Variants in XPO6 observed in about 807,000 individuals in gnomAD.
XPO6 encodes the protein exportin 6, also known as exportin-6.
In XPO6, 3 loss-of-function variants were observed where a neutral mutation model predicts 130.0. The ratio of observed to expected loss-of-function variants is 0.02; its 90% CI spans 0.01 to 0.06. The LOEUF is 0.06. Ranked by LOEUF, XPO6 falls within the 10% of genes least tolerant of loss-of-function variation. The pLI, the probability that XPO6 is intolerant of heterozygous loss-of-function variation, is 1.00. For synonymous variants in XPO6, 524 were observed against 548.9 expected (o/e 0.95, Z 0.63); for missense variants, 970 against 1,393.0 (o/e 0.70, Z 4.83).
chr16:28,171,072 CTTTTT>C (rs75349360), intron 4 of XPO6, among the ~76,000 whole-genome samples: 1 of 142,814 alleles, frequency 7.0e-6, no homozygotes, highest in South Asian at 2.2e-4. Context: ...CCCTGACACA[CTTTTT>C]TTTTTTTTTT....
chr16:28,132,324 A>C lies in XPO6; in HGVS notation c.1606+10T>G. 6.3e-7 allele frequency: 1 copy of C among 1,586,366 alleles called. No individual in the cohort carries two copies. Among genetic ancestry groups the C allele is most frequent in the Non-Finnish European group, 8.6e-7 (1 of 1,162,048 alleles). On this transcript the variant is annotated intron_variant, in intron 12 of 23. Coordinates refer to ENST00000304658, the MANE Select transcript of XPO6 (RefSeq NM_015171.4). This position sits in a 1 kb window ranked among gnomAD's most constrained non-coding sequence, Gnocchi z 4.0. ...TGTTTGGTTAAATTAGAAAATAAAA[A>C]CCAGTTTACCTGACCCTGAAGTGAC...
At chr16:28,211,243 C>G (rs1384576869) in intron 1 of XPO6, 123 bp downstream of exon 1, 2 of 1,053,600 alleles carry the variant, frequency 1.9e-6, no homozygotes, top group African/African-American at 3.3e-5. Flanking sequence ...GTGTCACCGG[C>G]CAGGCTCCGC....
intron 9 of XPO6, among the ~76,000 whole-genome samples, chr16:28,136,587 G>A (rs2042782481): frequency 6.6e-6 from 1 of 152,170 alleles, no homozygotes; most frequent in South Asian, 2.1e-4. Context: ...AGAAGACTTA[G>A]AAACTAAAAA....
At chr16:28,159,908 G>A (rs575098180) in intron 6 of XPO6, among the ~76,000 whole-genome samples, 29 of 152,214 alleles carry the variant, frequency 1.9e-4, no homozygotes, top group East Asian at 7.7e-4. Flanking sequence ...AAACCTGGCC[G>A]GGCACAGTCG....
In XPO6 at chr16:28,132,485, C is replaced by G; in HGVS notation, c.1537-82G>C. 1.1e-6 allele frequency: 1 copy of G among 913,656 alleles called. No homozygotes were observed. The highest frequency in any genetic ancestry group is 2.4e-5 in the Admixed American group (1 of 41,760). 56.6% of individuals were successfully genotyped at this position (913,656 alleles called of 1,614,324 possible). The stretch of plus-strand genomic sequence containing the variant: ...TAGCATTTTAACATTACAACATTAA[C>G]ACGTAACTATGGTGTGAGGAACAGG... On this transcript the variant is annotated intron_variant, in intron 11 of 23. Coordinates refer to ENST00000304658, the MANE Select transcript of XPO6 (RefSeq NM_015171.4). This position sits in a 1 kb window ranked among gnomAD's most constrained non-coding sequence, Gnocchi z 4.0.
chr16:28,159,650 G>T (rs993064283), intron 6 of XPO6, among the ~76,000 whole-genome samples: 13 of 152,316 alleles, frequency 8.5e-5, no homozygotes, highest in African/African-American at 2.6e-4. Flanking sequence ...ACAGACGTAG[G>T]AATTAAGAGG....
rs202218164 is a variant in XPO6 at position 28,173,013 on chromosome 16, TATC to T, written c.405+2882_405+2884del. ...GTAGTAAACATGTATAGTTTTTTCT[TATC>T]ATTATTTCCTAAACAATACAGTATA... On this transcript the variant is annotated intron_variant, in intron 4 of 23. Coordinates refer to ENST00000304658, the MANE Select transcript of XPO6 (RefSeq NM_015171.4). The T allele has an allele frequency of 7.8e-3, 1,184 of 152,330 alleles. 24 individuals carry two copies. Among genetic ancestry groups the T allele is most frequent in the African/African-American group, 0.027 (1,127 of 41,568 alleles). The allele number at this position is 152,330 out of a possible 1,614,324, so 9.4% of individuals were successfully genotyped here. A position where few individuals can be genotyped will look rare whatever the true frequency, so the allele number is the denominator to read the frequency against.
At chr16:28,200,378 C>G (rs1004617363) in intron 1 of XPO6, among the ~76,000 whole-genome samples, 2 of 152,148 alleles carry the variant, frequency 1.3e-5, no homozygotes, top group African/African-American at 4.8e-5. Flanking sequence ...GCCTAATGGG[C>G]TTACCTGAAT....
At chr16:28,194,068 C>T (rs576678608) in intron 1 of XPO6, among the ~76,000 whole-genome samples, 6 of 152,082 alleles carry the variant, frequency 3.9e-5, no homozygotes, top group Admixed American at 6.6e-5. Context: ...CCTAACCTCT[C>T]GGAGCTCAAG....
intron 9 of XPO6, 151 bp from the exon 10 acceptor site, chr16:28,135,475 C>T (rs1390523981): frequency 1.2e-5 from 7 of 600,534 alleles, no homozygotes; most frequent in Admixed American, 6.2e-5. Context: ...TGGGTTGGTA[C>T]GTGTGTGCGC....
intron 17 of XPO6, among the ~76,000 whole-genome samples, chr16:28,110,970 G>A (rs1203380538): frequency 1.3e-5 from 2 of 152,176 alleles, no homozygotes; most frequent in East Asian, 3.8e-4. Flanking sequence ...ATAGAAAAGG[G>A]AAGGTAAGAA....
chr16:28,169,952 A>T, intron 4 of XPO6, 43 bp from the exon 5 acceptor site: 1 of 1,607,014 alleles, frequency 6.2e-7, no homozygotes, highest in Non-Finnish European at 8.5e-7. Context: ...TTGGACTAAT[A>T]AAGTACAAAG....
intron 4 of XPO6, among the ~76,000 whole-genome samples, chr16:28,172,664 T>TC (rs2043469637): frequency 6.6e-6 from 1 of 151,976 alleles, no homozygotes; most frequent in Non-Finnish European, 1.5e-5. Context: ...AATCAACCCC[T>TC]CTCTATCTGG....
At chr16:28,168,397 C>G (rs748332779) in intron 5 of XPO6, among the ~76,000 whole-genome samples, 30 of 151,912 alleles carry the variant, frequency 2.0e-4, no homozygotes, top group Non-Finnish European at 4.3e-4. Flanking sequence ...GTGGAAGGAT[C>G]GCTTAGGCCC....
At chr16:28,150,203 G>A (rs1232845615) in intron 8 of XPO6, among the ~76,000 whole-genome samples, 1 of 152,138 alleles carries the variant, frequency 6.6e-6, no homozygotes, top group Non-Finnish European at 1.5e-5. Context: ...CAGGTGGCCA[G>A]CCTGCTCCCA....
In XPO6 at chr16:28,130,159, C is replaced by T. The variant is rs147647428; in HGVS notation, c.1606+2175G>A. Among the ~76,000 whole-genome samples, 687 of 152,340 alleles carry T rather than the reference C, an allele frequency of 4.5e-3. 7 individuals are homozygous for T. Among genetic ancestry groups the T allele is most frequent in the African/African-American group, 0.016 (667 of 41,580 alleles). On this transcript the variant is annotated intron_variant, in intron 12 of 23. Transcript: ENST00000304658. ...GATCTTCTGAATCCAACTGCTCTGA[C>T]AAAAGCAAAAGTGGGAGCCTTCCAG...
chr16:28,184,398 A>G (rs1410046066), intron 1 of XPO6, among the ~76,000 whole-genome samples: 1 of 152,232 alleles, frequency 6.6e-6, no homozygotes, highest in African/African-American at 2.4e-5. Context: ...GATACAGAGT[A>G]TCTTCACGAG....
chr16:28,172,619 A>G (rs2043468489), intron 4 of XPO6, among the ~76,000 whole-genome samples: 1 of 152,166 alleles, frequency 6.6e-6, no homozygotes, highest in South Asian at 2.1e-4. Context: ...TAGAAAGGGT[A>G]TAACCAACCC....
At chr16:28,195,478 C>CGTG (rs1178010987) in intron 1 of XPO6, among the ~76,000 whole-genome samples, 1 of 152,142 alleles carries the variant, frequency 6.6e-6, no homozygotes, top group Non-Finnish European at 1.5e-5. Flanking sequence ...CATGGCCAGG[C>CGTG]GTGGTGGCTC....
Sources: gnomAD v4.1 joint callset for allele counts (sites outside exome capture counted in the v4.1 genomes callset) on GRCh38, gnomAD v4.1.1 for gene constraint, Gnocchi (gnomAD v3.1) non-coding constraint, MANE v1.5 for transcripts, NCBI Gene and HGNC (gene_info 2026-07-23, HGNC 2026-07-21) for gene names.